PTPN14: variants seen among roughly 807,000 people sequenced by gnomAD.
PTPN14 encodes the protein tyrosine-protein phosphatase non-receptor type 14.
PTPN14 carries 53 observed loss-of-function variants against 126.8 expected under a neutral mutation model. The ratio of observed to expected loss-of-function variants is 0.42; its 90% CI spans 0.34 to 0.53. The LOEUF is 0.53. Among genes scored for constraint, PTPN14 ranks in the 20% least tolerant of loss-of-function variants. The probability of loss-of-function intolerance (pLI) is 0.08; values close to 1 mark genes in which losing one functional copy is unlikely to be tolerated. For synonymous variants in PTPN14, 630 were observed against 599.3 expected, an observed-to-expected ratio of 1.05 and a Z score of -0.75; for missense variants, 1,257 against 1,552.9, an observed-to-expected ratio of 0.81 and a Z score of 3.20.
intron 1 of PTPN14, among the ~76,000 whole-genome samples, chr1:214,503,130 A>G (rs1654747564): frequency 2.6e-5 from 4 of 152,226 alleles, no homozygotes; most frequent in African/African-American, 9.6e-5. Context: ...TGTCACTACA[A>G]GCAAATTTAA....
intron 2 of PTPN14, among the ~76,000 whole-genome samples, chr1:214,452,500 T>C (rs1028617650): frequency 1.3e-5 from 2 of 152,236 alleles, no homozygotes; most frequent in African/African-American, 4.8e-5. Context: ...TTTCGTGTGC[T>C]TTAAAAAGTA....
chr1:214,442,532 G>T (rs1362084801), intron 3 of PTPN14, among the ~76,000 whole-genome samples: 3 of 152,112 alleles, frequency 2.0e-5, no homozygotes, highest in African/African-American at 7.2e-5. Flanking sequence ...GACTCCTTTT[G>T]AAATACGAAT....
intron 3 of PTPN14, among the ~76,000 whole-genome samples, chr1:214,445,683 A>G (rs2102626483): frequency 6.6e-6 from 1 of 152,320 alleles, no homozygotes; most frequent in African/African-American, 2.4e-5. Context: ...AGTATTGAAG[A>G]AATTAAAGAG....
chr1:214,368,983 G>GA (rs1308271953), intron 17 of PTPN14, among the ~76,000 whole-genome samples: 1 of 152,082 alleles, frequency 6.6e-6, no homozygotes, highest in Admixed American at 6.6e-5. Flanking sequence ...CTCCGCCTCA[G>GA]AAAAAAATTT....
intron 1 of PTPN14, among the ~76,000 whole-genome samples, chr1:214,520,893 C>A (rs1410875380): frequency 2.0e-5 from 3 of 152,052 alleles, no homozygotes; most frequent in Non-Finnish European, 4.4e-5. Flanking sequence ...TTCTACCCAC[C>A]TGGACTAAAT....
At chr1:214,539,861 C>A (rs1055304439) in intron 1 of PTPN14, among the ~76,000 whole-genome samples, 3 of 152,138 alleles carry the variant, frequency 2.0e-5, no homozygotes, top group Admixed American at 6.6e-5. Context: ...AGAAAACGTG[C>A]CTCATTTTAG....
chr1:214,502,125 A>C (rs770443424), intron 1 of PTPN14, among the ~76,000 whole-genome samples: 28 of 152,104 alleles, frequency 1.8e-4, no homozygotes, highest in Non-Finnish European at 3.5e-4. Flanking sequence ...TTGACATACA[A>C]AAAGTTGCAT....
intron 1 of PTPN14, among the ~76,000 whole-genome samples, chr1:214,510,730 C>T (rs1393832465): frequency 6.6e-6 from 1 of 152,198 alleles, no homozygotes; most frequent in Non-Finnish European, 1.5e-5. Flanking sequence ...TAGCTAGAGA[C>T]CATCTCCATA....
At chr1:214,471,077 CTT>C (rs528664184) in intron 1 of PTPN14, among the ~76,000 whole-genome samples, 9 of 139,874 alleles carry the variant, frequency 6.4e-5, no homozygotes, top group East Asian at 2.1e-4. Flanking sequence ...CCCCCTAAAT[CTT>C]TTTTTTTTTT....
chr1:214,451,702 C>A (rs1660275536), intron 3 of PTPN14, 103 bp downstream of exon 3: 2 of 1,356,648 alleles, frequency 1.5e-6, no homozygotes, highest in Middle Eastern at 2.0e-4. Context: ...CACACCCGCA[C>A]CCACACCCAC....
At chr1:214,501,901 T>A (rs980546101) in intron 1 of PTPN14, among the ~76,000 whole-genome samples, 1 of 151,358 alleles carries the variant, frequency 6.6e-6, no homozygotes, top group African/African-American at 2.4e-5. Flanking sequence ...CTATAAAAAA[T>A]ACAAAAAATT....
chr1:214,384,942 C>T lies in PTPN14; in HGVS notation c.1067-154G>A, dbSNP rs1658574136. Among the ~76,000 whole-genome samples, 1 of 152,174 alleles carries T rather than the reference C, an allele frequency of 6.6e-6. No homozygotes were observed. Among genetic ancestry groups the T allele is most frequent in the South Asian group, 2.1e-4 (1 of 4,828 alleles). On this transcript the variant is annotated intron_variant, in intron 12 of 18. Transcript: ENST00000366956. This position sits in a 1 kb window ranked among gnomAD's most constrained non-coding sequence, Gnocchi z 5.3. ...CACATGTTCTATAGAATAACAGATA[C>T]TATCTTGGATGAAATGCCAACATAC...
chr1:214,410,627 G>A (rs1009614278), intron 5 of PTPN14, among the ~76,000 whole-genome samples: 1 of 152,144 alleles, frequency 6.6e-6, no homozygotes, highest in African/African-American at 2.4e-5. Context: ...ATTTACTTTT[G>A]TACAAAGGGT....
chr1:214,483,563 G>C (rs936197251), intron 1 of PTPN14, among the ~76,000 whole-genome samples: 5 of 152,226 alleles, frequency 3.3e-5, no homozygotes, highest in Admixed American at 1.3e-4. Context: ...TTTATACTCT[G>C]TTATGCTATT....
intron 1 of PTPN14, among the ~76,000 whole-genome samples, chr1:214,518,441 A>G (rs1168603648): frequency 6.6e-6 from 1 of 152,238 alleles, no homozygotes; most frequent in African/African-American, 2.4e-5. Context: ...AATATGTTAC[A>G]TTACATAAAC....
chr1:214,380,485 T>C (rs1202663145), intron 13 of PTPN14, among the ~76,000 whole-genome samples: 1 of 152,158 alleles, frequency 6.6e-6, no homozygotes, highest in African/African-American at 2.4e-5. Context: ...CATCAACTTC[T>C]GGCTAGGGGA....
chr1:214,442,721 T>A (rs1660060659), intron 3 of PTPN14, among the ~76,000 whole-genome samples: 1 of 152,148 alleles, frequency 6.6e-6, no homozygotes, highest in South Asian at 2.1e-4. Context: ...TACGGCTAAG[T>A]TAACTTCGGC....
At chr1:214,455,022 C>T (rs1001217077) in intron 2 of PTPN14, among the ~76,000 whole-genome samples, 1 of 152,182 alleles carries the variant, frequency 6.6e-6, no homozygotes, top group Non-Finnish European at 1.5e-5. Flanking sequence ...CTACTCCTCC[C>T]GTTCTTCCTC....
At chr1:214,410,300 C>CT (rs55645471) in intron 5 of PTPN14, among the ~76,000 whole-genome samples, 17,041 of 135,064 alleles carry the variant, frequency 0.13, 1,231 homozygotes, top group African/African-American at 0.2. Context: ...TTTTTTTTTT[C>CT]TTTTTTTTTT....
Sources: allele counts gnomAD v4.1 joint callset (sites outside exome capture counted in the v4.1 genomes callset), GRCh38; gene constraint gnomAD v4.1.1; non-coding constraint Gnocchi (gnomAD v3.1); transcripts MANE v1.5; gene names NCBI Gene and HGNC (gene_info 2026-07-23, HGNC 2026-07-21).